Variants in PPP1R3B observed in about 807,000 individuals in gnomAD.
The protein encoded by PPP1R3B is PP1 subunit R4.
Under a neutral mutation model 14.6 loss-of-function variants are expected in PPP1R3B, and 8 were observed. That is an observed-to-expected ratio of 0.55 (90% CI 0.32 to 0.99). PPP1R3B has a LOEUF of 0.99. Among genes scored for constraint, PPP1R3B ranks in the 50% least tolerant of loss-of-function variants. The probability of loss-of-function intolerance (pLI) is 0.04; values close to 1 mark genes in which losing one functional copy is unlikely to be tolerated. For missense variants in PPP1R3B, 452 were observed against 360.1 expected, an observed-to-expected ratio of 1.26 and a Z score of -2.07; for synonymous variants, 169 against 142.0, an observed-to-expected ratio of 1.19 and a Z score of -1.35.
intron 1 of PPP1R3B, among the ~76,000 whole-genome samples, chr8:9,146,778 G>T (rs1024805115): frequency 6.6e-6 from 1 of 151,994 alleles, no homozygotes; most frequent in African/African-American, 2.4e-5. Flanking sequence ...CCACGTAACT[G>T]TTCTGGAAAG....
At chr8:9,150,351 C>T (rs1224162299) in intron 1 of PPP1R3B, among the ~76,000 whole-genome samples, 1 of 152,220 alleles carries the variant, frequency 6.6e-6, no homozygotes, top group Non-Finnish European at 1.5e-5. Context: ...TCCAGTAAGT[C>T]ATTACCGGCC....
rs1801068191 is a variant in PPP1R3B at position 9,141,120 on chromosome 8, G to C, written c.532C>G (p.Gln178Glu). The change falls in exon 2 of 2, where the codon CAG (glutamine) becomes GAG (glutamate). Residue 178 changes from glutamine (Q) to glutamate (E), a missense_variant. Physicochemically the swap from Gln to Glu is conservative, Grantham distance 29 (BLOSUM62 2). Transcript: ENST00000310455. ...TWKSYTDFPC[Q>E]YVKDTYAGSD... ...CCGGCATAAGTGTCCTTCACGTACT[G>C]ACAAGGAAAGTCTGTGTAGCTCTTC... 4.3e-6 allele frequency: 7 copies of C among 1,614,168 alleles called. No individual in the cohort carries two copies. The East Asian group carries it at 1.6e-4, about 36-fold the overall frequency.
At chr8:9,149,574 C>A (rs1315025062) in intron 1 of PPP1R3B, among the ~76,000 whole-genome samples, 1 of 152,232 alleles carries the variant, frequency 6.6e-6, no homozygotes, top group Non-Finnish European at 1.5e-5. Flanking sequence ...ACACTGAAAG[C>A]TGCCGAACTG....
rs1475561780 is a variant in PPP1R3B, at chr8:9,138,108, T to G, written c.*2686A>C. 1.3e-5 allele frequency: 2 copies of G among 152,070 alleles called. No individual in the cohort carries two copies. The highest frequency in any genetic ancestry group is 2.9e-5 in the Non-Finnish European group (2 of 68,030). The allele number at this position is 152,070 out of a possible 1,614,324, so 9.4% of individuals were successfully genotyped here. ...ATGACAGTGCACTCTGTGCCTCTCC[T>G]GCATTGTGGGGAGGGCACTTCTTAA... On this transcript the variant is annotated 3_prime_UTR_variant, in exon 2 of 2. Coordinates refer to ENST00000310455, the MANE Select transcript of PPP1R3B (RefSeq NM_024607.4).
intron 1 of PPP1R3B, among the ~76,000 whole-genome samples, chr8:9,148,787 C>G (rs1357644042): frequency 2.0e-5 from 3 of 152,346 alleles, no homozygotes; most frequent in African/African-American, 7.2e-5. Flanking sequence ...AGCTGAACTA[C>G]TGACTTTCTG....
chr8:9,145,512 C>A (rs188334600), intron 1 of PPP1R3B: 1 of 152,140 alleles, frequency 6.6e-6, no homozygotes, highest in Non-Finnish European at 1.5e-5. Context: ...ATGTGTTAAT[C>A]GACTGTTGAT....
chr8:9,147,292 T>G (rs1801271385), intron 1 of PPP1R3B, among the ~76,000 whole-genome samples: 1 of 152,158 alleles, frequency 6.6e-6, no homozygotes. Flanking sequence ...TGAGCCACCG[T>G]GCCCAGCCTT....
At chr8:9,151,054 G>A (rs1801414525), upstream of PPP1R3B, among the ~76,000 whole-genome samples, 1 of 152,166 alleles carries the variant, frequency 6.6e-6, no homozygotes, top group Non-Finnish European at 1.5e-5. Context: ...GTGGTAAAGG[G>A]ATCAGCCGCC....
chr8:9,140,593 T>G lies in PPP1R3B; in HGVS notation c.*201A>C. The G allele has an allele frequency of 3.2e-6, 2 of 621,694 alleles. No homozygotes were observed. Among genetic ancestry groups the G allele is most frequent in the Non-Finnish European group, 5.5e-6 (2 of 364,692 alleles). The allele number at this position is 621,694 out of a possible 1,614,324, so 38.5% of individuals were successfully genotyped here. ...AAGCGCGCCAGCCACCACTGCTCCT[T>G]TGAGTGAGACACTGGTTGTGTAATC... On this transcript the variant is annotated 3_prime_UTR_variant, in exon 2 of 2. Coordinates refer to ENST00000310455, the MANE Select transcript of PPP1R3B (RefSeq NM_024607.4).
At position 9,138,434 on chromosome 8, in the gene PPP1R3B, G is replaced by A. The variant is rs1473416242; in HGVS notation, c.*2360C>T. On this transcript the variant is annotated 3_prime_UTR_variant, in exon 2 of 2. Transcript: ENST00000310455. ...CAGTTTTAGGAGTAAGAATTACATC[G>A]AATAGCCTTAAGAGCATTTAAAAAG... The A allele has an allele frequency of 6.6e-6, 1 of 152,054 alleles. No individual in the cohort carries two copies. Among genetic ancestry groups the A allele is most frequent in the African/African-American group, 2.4e-5 (1 of 41,402 alleles). The allele number at this position is 152,054 out of a possible 1,614,324, so 9.4% of individuals were successfully genotyped here. A position where few individuals can be genotyped will look rare whatever the true frequency, so the allele number is the denominator to read the frequency against.
chr8:9,141,308 G>C lies in PPP1R3B; in HGVS notation c.344C>G (p.Ser115Cys), dbSNP rs200095175. 1 of 1,614,140 alleles carries C rather than the reference G, an allele frequency of 6.2e-7. No homozygotes were observed. The highest frequency in any genetic ancestry group is 8.5e-7 in the Non-Finnish European group (1 of 1,180,042). Residue 115 changes from serine (S) to cysteine (C), a missense_variant, in exon 2 of 2, where the codon TCC becomes TGC. Physicochemically the swap from Ser to Cys is moderately radical, Grantham distance 112. Transcript: ENST00000310455. ...GTCTAAGTAATCTGCAGAGGGCTGG[G>C]AAAAATCCAGAACAAAGCTCTCGCT... ...AESESFVLDFSQPSADYLDFR... is the reference protein window; with the variant it reads ...AESESFVLDFCQPSADYLDFR...
rs773123722 is a variant in PPP1R3B, at chr8:9,140,437, G to A, written c.*357C>T. 5 of 266,178 alleles carry A rather than the reference G, an allele frequency of 1.9e-5. No individual in the cohort carries two copies. The highest frequency in any genetic ancestry group is 2.9e-5 in the Non-Finnish European group (4 of 140,258). 16.5% of individuals were successfully genotyped at this position (266,178 alleles called of 1,614,324 possible). A position where few individuals can be genotyped will look rare whatever the true frequency, so the allele number is the denominator to read the frequency against. ...TGGGGCTGAGTGGCTTTTGGCGACTGATGTCCCACATCTGAGTGGAGAGCA... is the reference window on the plus strand; with the variant it reads ...TGGGGCTGAGTGGCTTTTGGCGACTAATGTCCCACATCTGAGTGGAGAGCA... On this transcript the variant is annotated 3_prime_UTR_variant, in exon 2 of 2. Transcript: ENST00000310455.
chr8:9,144,678 C>A (rs118079184), intron 1 of PPP1R3B, among the ~76,000 whole-genome samples: 1,975 of 152,280 alleles, frequency 0.013, 24 homozygotes, highest in Non-Finnish European at 0.02. Context: ...ACCTAGGTGA[C>A]CATTAACAGG....
chr8:9,150,239 C>T (rs755424747), intron 1 of PPP1R3B, among the ~76,000 whole-genome samples: 1 of 152,174 alleles, frequency 6.6e-6, no homozygotes, highest in Non-Finnish European at 1.5e-5. Context: ...CCACTCAGAC[C>T]ACAGGTTCCA....
chr8:9,141,382 G>C lies in PPP1R3B; in HGVS notation c.270C>G (p.Phe90Leu), dbSNP rs764634311. The C allele has an allele frequency of 1.9e-6, 3 of 1,614,244 alleles. No homozygotes were observed. The highest frequency in any genetic ancestry group is 1.7e-6 in the Non-Finnish European group (2 of 1,180,050). ...SEFDDPLDMP[F>L]NITELLDNIV... ...TGTTGTCTAGGAGCTCGGTGATGTT[G>C]AATGGCATATCTAGCGGGTCATCGA... The change falls in exon 2 of 2, where the codon TTC becomes TTG. Residue 90 changes from phenylalanine (F) to leucine (L), a missense_variant. Phe to Leu is a conservative substitution (Grantham distance 22, BLOSUM62 0). Transcript: ENST00000310455.
At chr8:9,148,569 G>C (rs182989551) in intron 1 of PPP1R3B, among the ~76,000 whole-genome samples, 2 of 152,320 alleles carry the variant, frequency 1.3e-5, no homozygotes, top group Admixed American at 6.5e-5. Context: ...TCTCTGGTGA[G>C]AGACTGGGCC....
chr8:9,146,731 TA>T (rs1184490988), intron 1 of PPP1R3B, among the ~76,000 whole-genome samples: 1 of 152,176 alleles, frequency 6.6e-6, no homozygotes, highest in African/African-American at 2.4e-5. Context: ...GTGAAAATTT[TA>T]AGGGCAAATT....
At chr8:9,146,291 C>A (rs139460209) in intron 1 of PPP1R3B, among the ~76,000 whole-genome samples, 3 of 152,272 alleles carry the variant, frequency 2.0e-5, no homozygotes, top group Admixed American at 6.5e-5. Flanking sequence ...CCAAACCTAT[C>A]TCCCCTCAAC....
intron 1 of PPP1R3B, among the ~76,000 whole-genome samples, chr8:9,145,785 T>G (rs1193128878): frequency 6.6e-6 from 1 of 152,186 alleles, no homozygotes; most frequent in Non-Finnish European, 1.5e-5. Context: ...GCTTCTATCA[T>G]CAGAACAAAA....
Sources: gnomAD v4.1 joint callset for allele counts (sites outside exome capture counted in the v4.1 genomes callset) on GRCh38, gnomAD v4.1.1 for gene constraint, MANE v1.5 for transcripts, NCBI Gene and HGNC (gene_info 2026-07-23, HGNC 2026-07-21) for gene names.